The following EPHB1 variants were observed in gnomAD, a reference collection of about 807,000 sequenced individuals.
EPHB1 encodes EPH receptor B1, also known as ephrin type-B receptor 1.
A neutral mutation model predicts 94.4 loss-of-function variants in EPHB1; 30 were observed. That is an observed-to-expected ratio of 0.32 (90% CI 0.24 to 0.43). EPHB1 has a LOEUF of 0.43. Ranked by LOEUF, EPHB1 falls within the 20% of genes least tolerant of loss-of-function variation. The pLI is 1.00. For missense variants in EPHB1, 1,055 were observed against 1,308.3 expected (o/e 0.81, Z 2.99); for synonymous variants, 522 against 489.1 (o/e 1.07, Z -0.89).
chr3:134,997,772 A>C (rs919630711), intron 3 of EPHB1, among the ~76,000 whole-genome samples: 8 of 152,126 alleles, frequency 5.3e-5, no homozygotes, highest in Non-Finnish European at 5.9e-5. Flanking sequence ...ACTCCTGAAA[A>C]AGCAAACAGT....
At chr3:134,937,075 T>G (rs2039018490) in intron 2 of EPHB1, among the ~76,000 whole-genome samples, 2 of 152,162 alleles carry the variant, frequency 1.3e-5, no homozygotes, top group Non-Finnish European at 2.9e-5. Context: ...GGAGCTGAAT[T>G]TTAAAGGGGA....
chr3:134,857,399 ACAGG>A (rs2037144892), intron 1 of EPHB1, among the ~76,000 whole-genome samples: 1 of 151,962 alleles, frequency 6.6e-6, no homozygotes, highest in Non-Finnish European at 1.5e-5. Flanking sequence ...TACTTTCGAT[ACAGG>A]CAGTCTGGTT....
chr3:134,817,723 A>G (rs1394025289), intron 1 of EPHB1, among the ~76,000 whole-genome samples: 10 of 152,198 alleles, frequency 6.6e-5, no homozygotes, highest in African/African-American at 2.4e-5. Flanking sequence ...GAGCCCATGT[A>G]TGGGAAATGC....
At chr3:134,856,642 C>T (rs2037126306) in intron 1 of EPHB1, among the ~76,000 whole-genome samples, 3 of 152,138 alleles carry the variant, frequency 2.0e-5, no homozygotes, top group Admixed American at 6.5e-5. Flanking sequence ...TGTGGCTAGT[C>T]GCAACTGAGA....
At chr3:135,181,533 C>A (rs1942150835) in intron 10 of EPHB1, among the ~76,000 whole-genome samples, 1 of 152,102 alleles carries the variant, frequency 6.6e-6, no homozygotes, top group South Asian at 2.1e-4. Flanking sequence ...GCTTTCAGTC[C>A]TGTACTCTGT....
intron 9 of EPHB1, among the ~76,000 whole-genome samples, chr3:135,178,302 A>G (rs112406832): frequency 6.6e-6 from 1 of 151,642 alleles, no homozygotes; most frequent in Non-Finnish European, 1.5e-5. Context: ...CTGGAAATAC[A>G]AAAATTAGCT....
chr3:135,219,768 G>A (rs1943234143), intron 12 of EPHB1, among the ~76,000 whole-genome samples: 1 of 152,206 alleles, frequency 6.6e-6, no homozygotes, highest in Admixed American at 6.5e-5. Flanking sequence ...CCTTGATACT[G>A]TAGGAGTCTG....
chr3:135,178,739 T>C (rs1240793302), intron 9 of EPHB1, among the ~76,000 whole-genome samples: 1 of 152,102 alleles, frequency 6.6e-6, no homozygotes, highest in Middle Eastern at 3.2e-3. Context: ...AACCTCAGCC[T>C]TGGGCCCTAG....
chr3:135,030,217 C>A (rs978605791), intron 3 of EPHB1, among the ~76,000 whole-genome samples: 16 of 152,180 alleles, frequency 1.1e-4, no homozygotes, highest in Admixed American at 1.0e-3. Context: ...GCCTTCTTCT[C>A]TCAGCTCGTC....
chr3:135,027,832 C>T lies in EPHB1; in HGVS notation c.805+75780C>T, dbSNP rs372168073. ...TCCTCCTTGTACCTCTGGTAGAATT[C>T]GGCTGTGAATCCATCTGGTCCTGGA... is the stretch of plus-strand genomic sequence containing the variant. On this transcript the variant is annotated intron_variant, in intron 3 of 15. Transcript: ENST00000398015. Among the ~76,000 whole-genome samples, 353 of 132,200 alleles carry T rather than the reference C, an allele frequency of 2.7e-3. 40 individuals carry two copies. Among genetic ancestry groups the T allele is most frequent in the Non-Finnish European group, 4.5e-3 (271 of 59,860 alleles). 86.7% of individuals were successfully genotyped at this position (132,200 alleles called of 152,430 possible).
Position 135,080,732 on chromosome 3 carries a change from A to G in EPHB1, c.806-25716A>G, listed in dbSNP as rs181066274. Among the ~76,000 whole-genome samples the G allele has an allele frequency of 6.1e-3, 924 of 152,262 alleles. 9 individuals are homozygous for G. The highest frequency in any genetic ancestry group is 9.8e-3 in the Non-Finnish European group (664 of 68,020). On this transcript the variant is annotated intron_variant, in intron 3 of 15. Coordinates refer to ENST00000398015, the MANE Select transcript of EPHB1 (RefSeq NM_004441.5). ...TACTTTGATCAGGCTTGGGTGAGCT[A>G]CTTAACCTCTCTGTAGCTTGGGTCC...
chr3:135,097,496 C>T (rs572369412), intron 3 of EPHB1, among the ~76,000 whole-genome samples: 2 of 152,320 alleles, frequency 1.3e-5, no homozygotes, highest in African/African-American at 4.8e-5. Flanking sequence ...TGTCACCCTT[C>T]AGTCCTGACC....
intron 10 of EPHB1, among the ~76,000 whole-genome samples, chr3:135,182,313 A>C (rs985849250): frequency 2.0e-5 from 3 of 152,228 alleles, no homozygotes; most frequent in African/African-American, 7.2e-5. Context: ...AGCAGGGGGA[A>C]AACTTGGGTT....
intron 1 of EPHB1, among the ~76,000 whole-genome samples, chr3:134,848,582 ATT>A (rs1262339020): frequency 6.6e-6 from 1 of 152,222 alleles, no homozygotes; most frequent in Non-Finnish European, 1.5e-5. Context: ...CAAGCATTAG[ATT>A]AATATTGACA....
chr3:134,986,268 T>C (rs1934590657), intron 3 of EPHB1, among the ~76,000 whole-genome samples: 1 of 152,146 alleles, frequency 6.6e-6, no homozygotes, highest in South Asian at 2.1e-4. Flanking sequence ...AGAAAAGTGG[T>C]GACAGGGTAT....
At chr3:135,089,005 C>A (rs1938466525) in intron 3 of EPHB1, among the ~76,000 whole-genome samples, 2 of 152,190 alleles carry the variant, frequency 1.3e-5, no homozygotes, top group Admixed American at 6.5e-5. Context: ...CTAATTTTTA[C>A]ACACGAGGAA....
intron 3 of EPHB1, among the ~76,000 whole-genome samples, chr3:135,078,805 T>G (rs1938043289): frequency 6.6e-6 from 1 of 152,250 alleles, no homozygotes; most frequent in Non-Finnish European, 1.5e-5. Flanking sequence ...CTCATATGCC[T>G]TGATATTCAA....
intron 12 of EPHB1, among the ~76,000 whole-genome samples, chr3:135,224,136 G>C (rs1398045127): frequency 6.6e-6 from 1 of 152,146 alleles, no homozygotes; most frequent in Non-Finnish European, 1.5e-5. Context: ...TGTAGCCTAG[G>C]TGTGTAGTGA....
intron 10 of EPHB1, among the ~76,000 whole-genome samples, chr3:135,186,503 A>T (rs1406856354): frequency 6.6e-6 from 1 of 152,140 alleles, no homozygotes; most frequent in African/African-American, 2.4e-5. Flanking sequence ...TAAAAATTCC[A>T]TTTCTGGTGT....
Sources: allele counts gnomAD v4.1 joint callset (sites outside exome capture counted in the v4.1 genomes callset), GRCh38; gene constraint gnomAD v4.1.1; transcripts MANE v1.5; gene names NCBI Gene and HGNC (gene_info 2026-07-23, HGNC 2026-07-21).